TJP3: variants seen among roughly 807,000 people sequenced by gnomAD.
The protein encoded by TJP3 is tight junction protein ZO-3.
In TJP3, 85 loss-of-function variants were observed where a neutral mutation model predicts 104.2. The observed-to-expected ratio is 0.82, with a 90% CI of 0.68 to 0.98. The LOEUF (loss-of-function observed/expected upper bound fraction) is 0.98, where lower values mean the gene tolerates loss of function less well. Ranked by LOEUF, TJP3 falls within the 50% of genes least tolerant of loss-of-function variation. The pLI is 0.00. For missense variants in TJP3, 1,367 were observed against 1,322.8 expected (o/e 1.03, Z -0.52); for synonymous variants, 550 against 550.6 (o/e 1.00, Z 0.02).
intron 1 of TJP3, among the ~76,000 whole-genome samples, chr19:3,720,797 C>T (rs1279509370): frequency 6.6e-6 from 1 of 151,854 alleles, no homozygotes; most frequent in Non-Finnish European, 1.5e-5. Context: ...AGGAAACGAC[C>T]TTTACTCCCT....
chr19:3,741,328 G>A (rs993448580), intron 14 of TJP3, among the ~76,000 whole-genome samples: 1 of 152,118 alleles, frequency 6.6e-6, no homozygotes, highest in African/African-American at 2.4e-5. Flanking sequence ...AAGATAGCTG[G>A]GCATGGTGGT....
At chr19:3,717,421 A>ATG (rs1213313141) in intron 1 of TJP3, among the ~76,000 whole-genome samples, 4 of 146,756 alleles carry the variant, frequency 2.7e-5, no homozygotes, top group African/African-American at 7.5e-5. Flanking sequence ...ATATATATAT[A>ATG]TATATATAAT....
chr19:3,748,108 GGGAA>G, intron 19 of TJP3, 27 bp downstream of exon 19: 1 of 1,524,312 alleles, frequency 6.6e-7, no homozygotes, highest in South Asian at 1.3e-5. Flanking sequence ...GGGCAGGCCT[GGGAA>G]GGGTCTCCGG....
chr19:3,741,464 A>G (rs2036818034), intron 14 of TJP3, among the ~76,000 whole-genome samples: 1 of 151,040 alleles, frequency 6.6e-6, no homozygotes, highest in Non-Finnish European at 1.5e-5. Context: ...CATCTCTACT[A>G]AAAGTACAAA....
intron 1 of TJP3, among the ~76,000 whole-genome samples, chr19:3,718,407 A>G (rs2036511068): frequency 6.7e-6 from 1 of 149,686 alleles, no homozygotes; most frequent in South Asian, 2.1e-4. Flanking sequence ...AAAGACGCTG[A>G]AGTCAGAAAG....
intron 1 of TJP3, among the ~76,000 whole-genome samples, chr19:3,722,208 A>G (rs1356917710): frequency 2.0e-5 from 3 of 152,130 alleles, no homozygotes; most frequent in African/African-American, 7.2e-5. Context: ...TCTGTCCACT[A>G]TGCTGTGTGT....
rs562451539 is a variant in TJP3 at position 3,735,896 on chromosome 19, T to C, written c.1088T>C (p.Ile363Thr). ...SELPRESSYD[I>T]YRVPSSQSME... ...TTGCCCAGGGAAAGCAGCTATGACA[T>C]CTACAGAGTGCCCAGCAGTCAGAGC... is the stretch of plus-strand genomic sequence containing the variant. Residue 363 changes from isoleucine to threonine, a missense_variant, in exon 10 of 21, where the codon ATC becomes ACC. Coordinates refer to ENST00000541714, the MANE Select transcript of TJP3 (RefSeq NM_001267560.2). 1 of 1,614,110 alleles carries C rather than the reference T, an allele frequency of 6.2e-7. No individual in the cohort carries two copies. Among genetic ancestry groups the C allele is most frequent in the Admixed American group, 1.7e-5 (1 of 60,012 alleles).
In TJP3 at chr19:3,746,035, C is replaced by T; in HGVS notation, c.1964C>T (p.Pro655Leu). The T allele has an allele frequency of 6.2e-7, 1 of 1,609,468 alleles. No individual in the cohort carries two copies. Among genetic ancestry groups the T allele is most frequent in the Non-Finnish European group, 8.5e-7 (1 of 1,177,828 alleles). The change falls in exon 16 of 21, where the codon CCC becomes CTC. Residue 655 changes from proline to leucine, a missense_variant. Physicochemically the swap from Pro to Leu is moderately conservative, Grantham distance 98 (BLOSUM62 -3). Coordinates refer to ENST00000541714, the MANE Select transcript of TJP3 (RefSeq NM_001267560.2). The surrounding 1 kb of genome is among the most constrained non-coding windows in gnomAD (Gnocchi z 4.1). The part of the protein sequence containing the change: ...IAETVSRTDS[P>L]SKIIKLDTVR... ...GAGACTGTGTCCAGGACCGACAGCC[C>T]CTCCAAGATCATCAAACTAGACACC...
At chr19:3,723,660 T>C (rs1473669622) in intron 1 of TJP3, among the ~76,000 whole-genome samples, 2 of 151,344 alleles carry the variant, frequency 1.3e-5, no homozygotes, top group African/African-American at 2.4e-5. Flanking sequence ...GGCGTGGTGG[T>C]TGGACGCCTG....
rs1007776443 is a variant in TJP3, at chr19:3,748,152, C to A, written c.2610+71C>A. On this transcript the variant is annotated intron_variant, in intron 19 of 20. Coordinates refer to ENST00000541714, the MANE Select transcript of TJP3 (RefSeq NM_001267560.2). ...GATGCCAGCACAGAGCAGACACACA[C>A]TGGGAGCCTGTTTTCTACCAGGACG... 4.1e-6 allele frequency: 6 copies of A among 1,448,198 alleles called. No individual in the cohort carries two copies. In the Admixed American group the frequency reaches 1.6e-4, roughly 39 times the overall value. The allele number at this position is 1,448,198 out of a possible 1,614,324, so 89.7% of individuals were successfully genotyped here. A position where few individuals can be genotyped will look rare whatever the true frequency, so the allele number is the denominator to read the frequency against.
rs999957307 is a variant in TJP3, at chr19:3,716,233, C to T, written c.-10+7672C>T. Reference sequence around the variant, plus strand: ...GATTACAGGTGCCTGTCACTACGCCCAGCTAATTTCTGTATTTTGAGTAGA... The same window carrying T: ...GATTACAGGTGCCTGTCACTACGCCTAGCTAATTTCTGTATTTTGAGTAGA... On this transcript the variant is annotated intron_variant, in intron 1 of 20. Transcript: ENST00000541714. Among the ~76,000 whole-genome samples the T allele has an allele frequency of 2.7e-5, 4 of 147,922 alleles. 1 individual carries two copies. Among genetic ancestry groups the T allele is most frequent in the Admixed American group, 6.8e-5 (1 of 14,658 alleles).
rs1392263172 is a variant in TJP3, at chr19:3,730,925, C to A, written c.613+219C>A. Among the ~76,000 whole-genome samples, 2 of 152,186 alleles carry A rather than the reference C, an allele frequency of 1.3e-5. No homozygotes were observed. On this transcript the variant is annotated intron_variant, in intron 5 of 20. Coordinates refer to ENST00000541714, the MANE Select transcript of TJP3 (RefSeq NM_001267560.2). The surrounding 1 kb of genome is among the most constrained non-coding windows in gnomAD (Gnocchi z 7.3). Reference sequence around the variant, plus strand: ...CGAATTCTTGACCTCAGGTGATTCACCCACCTCGGCCTCCCATAGTGCTTG... The same window carrying A: ...CGAATTCTTGACCTCAGGTGATTCAACCACCTCGGCCTCCCATAGTGCTTG...
intron 1 of TJP3, among the ~76,000 whole-genome samples, chr19:3,723,116 C>G (rs971133170): frequency 1.3e-5 from 2 of 152,228 alleles, no homozygotes; most frequent in Non-Finnish European, 2.9e-5. Flanking sequence ...TCCTCAAACT[C>G]TTCCCTAAGG....
intron 14 of TJP3, 114 bp downstream of exon 14, chr19:3,740,877 A>C: frequency 9.5e-7 from 1 of 1,055,138 alleles, no homozygotes. Context: ...GTGGTGGCTC[A>C]CGCCTATAAT....
rs149323251 is a variant in TJP3, at chr19:3,736,208, A to T, written c.1171A>T (p.Ser391Cys). ...TRVVRFLKGK[S>C]IGLRLAGGND... The stretch of plus-strand genomic sequence containing the variant: ...TGTGGTCCGCTTCCTCAAGGGCAAG[A>T]GCATCGGGCTGCGGCTGGCAGGGGG... Residue 391 changes from serine (S) to cysteine (C), a missense_variant, in exon 11 of 21, where the codon AGC becomes TGC. Transcript: ENST00000541714. The T allele has an allele frequency of 4.4e-6, 7 of 1,597,644 alleles. No homozygotes were observed. The Admixed American group carries it at 1.2e-4, about 28-fold the overall frequency.
At chr19:3,740,486 G>C (rs965343247) in intron 13 of TJP3, 66 bp from the exon 14 acceptor site, 1 of 1,111,316 alleles carries the variant, frequency 9.0e-7, no homozygotes, top group Admixed American at 3.8e-5. Flanking sequence ...GGGGTAGGAC[G>C]AGGACGTCTT....
At chr19:3,742,553 A>C (rs2036836039) in intron 14 of TJP3, among the ~76,000 whole-genome samples, 2 of 147,976 alleles carry the variant, frequency 1.4e-5, no homozygotes. Context: ...TGGGAAGAGC[A>C]AATTGCCCGG....
In TJP3 at chr19:3,746,587, G is replaced by A. The variant is rs1370426897; in HGVS notation, c.2113G>A (p.Ala705Thr). The A allele has an allele frequency of 1.2e-6, 2 of 1,613,836 alleles. No individual in the cohort carries two copies. The highest frequency in any genetic ancestry group is 1.3e-5 in the African/African-American group (1 of 75,040). ...CTTCTTCATCCCCGAGAGCCGGCCG[G>A]CCCTCAAGGCACTGCGCCAGTGGCT... Reference protein sequence around the residue: ...VVFFIPESRPALKALRQWLAP... With the variant: ...VVFFIPESRPTLKALRQWLAP... Residue 705 changes from alanine (A) to threonine (T), a missense_variant, in exon 17 of 21, where the codon GCC (alanine) becomes ACC (threonine). Coordinates refer to ENST00000541714, the MANE Select transcript of TJP3 (RefSeq NM_001267560.2). The surrounding 1 kb of genome is among the most constrained non-coding windows in gnomAD (Gnocchi z 4.1).
chr19:3,740,652 C>T lies in TJP3; in HGVS notation c.1732C>T (p.Arg578Trp), dbSNP rs904636776. 31 of 1,604,758 alleles carry T rather than the reference C, an allele frequency of 1.9e-5. No individual in the cohort carries two copies. Among genetic ancestry groups the T allele is most frequent in the Admixed American group, 1.2e-4 (7 of 59,018 alleles). The change falls in exon 14 of 21, where the codon CGG becomes TGG. Residue 578 changes from arginine to tryptophan, a missense_variant. Transcript: ENST00000541714. The stretch of plus-strand genomic sequence containing the variant: ...TGCTCGGGCCGAGTTCTGGCGGCTG[C>T]GGGGTCTTCGTCGAGGAGCCAAGAA... ...SNARAEFWRL[R>W]GLRRGAKKTT...
Sources: allele counts gnomAD v4.1 joint callset (sites outside exome capture counted in the v4.1 genomes callset), GRCh38; gene constraint gnomAD v4.1.1; non-coding constraint Gnocchi (gnomAD v3.1); transcripts MANE v1.5; gene names NCBI Gene and HGNC (gene_info 2026-07-23, HGNC 2026-07-21).